The following ABCC5 variants were observed in gnomAD, a reference collection of about 807,000 sequenced individuals.
ABCC5 encodes ATP-binding cassette sub-family C member 5.
A neutral mutation model predicts 160.9 loss-of-function variants in ABCC5; 61 were observed. The ratio of observed to expected loss-of-function variants is 0.38; its 90% CI spans 0.31 to 0.47. ABCC5 has a LOEUF of 0.47. ABCC5 is among the 20% of genes least tolerant of loss of function. The probability of loss-of-function intolerance (pLI) is 0.99; values close to 1 mark genes in which losing one functional copy is unlikely to be tolerated. For missense variants in ABCC5, 1,308 were observed against 1,813.3 expected (o/e 0.72, Z 5.06); for synonymous variants, 666 against 700.6 (o/e 0.95, Z 0.78).
intron 26 of ABCC5, among the ~76,000 whole-genome samples, chr3:183,936,073 T>C (rs753096357): frequency 7.2e-5 from 11 of 152,048 alleles, no homozygotes; most frequent in African/African-American, 1.4e-4. Context: ...GGTGGGGCTG[T>C]AAGGAGGAGA....
intron 20 of ABCC5, among the ~76,000 whole-genome samples, chr3:183,950,994 T>C (rs1426667936): frequency 6.6e-6 from 1 of 152,212 alleles, no homozygotes; most frequent in Non-Finnish European, 1.5e-5. Context: ...CTGACAGGCC[T>C]GCTGCGGGGA....
intron 8 of ABCC5, 89 bp downstream of exon 8, chr3:183,981,638 T>C (rs1718751266): frequency 1.1e-5 from 16 of 1,407,536 alleles, no homozygotes; most frequent in East Asian, 2.3e-5. Context: ...TAGTACGTAA[T>C]GTGCTCAGAA....
intron 16 of ABCC5, among the ~76,000 whole-genome samples, chr3:183,961,215 T>C (rs1047372968): frequency 6.6e-6 from 1 of 152,236 alleles, no homozygotes; most frequent in Admixed American, 6.5e-5. Flanking sequence ...AAGCTGTGAA[T>C]GAACAGCAGC....
chr3:183,972,480 ACT>A (rs1717845603), intron 10 of ABCC5, among the ~76,000 whole-genome samples: 1 of 152,034 alleles, frequency 6.6e-6, no homozygotes, highest in South Asian at 2.1e-4. Flanking sequence ...TTGCCAAGAA[ACT>A]CTCATGTCTT....
At chr3:183,925,823 AT>A (rs1402179998) in intron 28 of ABCC5, 104 bp from the exon 29 acceptor site, 6 of 1,040,148 alleles carry the variant, frequency 5.8e-6, no homozygotes, top group South Asian at 1.8e-5. Flanking sequence ...TACACTATCT[AT>A]TGTTTTCTTT....
At chr3:183,970,350 T>C (rs1717622470) in intron 11 of ABCC5, among the ~76,000 whole-genome samples, 1 of 152,092 alleles carries the variant, frequency 6.6e-6, no homozygotes, top group South Asian at 2.1e-4. Flanking sequence ...GCCCAAATAC[T>C]ACTTTTTAAA....
At chr3:183,935,028 A>ATT (rs774978089) in intron 26 of ABCC5, among the ~76,000 whole-genome samples, 3 of 149,900 alleles carry the variant, frequency 2.0e-5, no homozygotes, top group African/African-American at 7.3e-5. Flanking sequence ...TGTAAGGCCA[A>ATT]TTTTTTTTTT....
intron 26 of ABCC5, among the ~76,000 whole-genome samples, chr3:183,934,619 G>A (rs1297779950): frequency 3.3e-5 from 5 of 152,134 alleles, no homozygotes; most frequent in South Asian, 2.1e-4. Flanking sequence ...AGCTACAGGC[G>A]CACGATGTTC....
At chr3:183,969,281 A>T (rs906895957) in intron 11 of ABCC5, among the ~76,000 whole-genome samples, 1 of 152,222 alleles carries the variant, frequency 6.6e-6, no homozygotes. Context: ...CATACAAAGC[A>T]AAAGAATACA....
intron 1 of ABCC5, 78 bp from the exon 2 acceptor site, chr3:184,014,525 G>GCA: frequency 6.0e-6 from 4 of 665,454 alleles, no homozygotes; most frequent in Non-Finnish European, 6.0e-6. Context: ...CTTAAAAATA[G>GCA]GAAAAAAAAA....
chr3:184,010,003 T>G (rs1721573942), intron 2 of ABCC5: 1 of 433,980 alleles, frequency 2.3e-6, no homozygotes, highest in South Asian at 1.6e-5. Context: ...CAAAAAAAAT[T>G]TAATAAAAAA....
rs1318214523 is a variant in ABCC5 at position 183,950,317 on chromosome 3, T to C, written c.2945-192A>G. On this transcript the variant is annotated intron_variant, in intron 20 of 29. Coordinates refer to ENST00000334444, the MANE Select transcript of ABCC5 (RefSeq NM_005688.4). ...TTTTTTCGTCTCAAGAAAATCCTCTTACTCCACTCCCTTTTCTTGGTTCCC... is the reference window on the plus strand; with the variant it reads ...TTTTTTCGTCTCAAGAAAATCCTCTCACTCCACTCCCTTTTCTTGGTTCCC... 2.6e-5 allele frequency among the ~76,000 whole-genome samples: 4 copies of C among 152,142 alleles called. No homozygotes were observed. The East Asian group carries it at 7.7e-4, about 29-fold the overall frequency.
intron 26 of ABCC5, among the ~76,000 whole-genome samples, chr3:183,936,000 C>T (rs1713676008): frequency 1.3e-5 from 2 of 152,182 alleles, no homozygotes; most frequent in African/African-American, 4.8e-5. Flanking sequence ...CTATGGACTA[C>T]AGGTTTGTGT....
intron 10 of ABCC5, among the ~76,000 whole-genome samples, chr3:183,973,774 G>A (rs1370274314): frequency 2.0e-5 from 3 of 152,198 alleles, no homozygotes; most frequent in Non-Finnish European, 4.4e-5. Flanking sequence ...CTTCCTGAGA[G>A]ATTGAACTAA....
chr3:183,963,608 T>C lies in ABCC5; in HGVS notation c.2032-20A>G, dbSNP rs1353309878. On this transcript the variant is annotated intron_variant, in intron 14 of 29. Coordinates refer to ENST00000334444, the MANE Select transcript of ABCC5 (RefSeq NM_005688.4). This position sits in a 1 kb window ranked among gnomAD's most constrained non-coding sequence, Gnocchi z 4.6. ...TCCAATCTACAAGAGCCCAGAAGTGTGGTGAAGCCTCCAGCGCAAGTCCAG... is the reference window on the plus strand; with the variant it reads ...TCCAATCTACAAGAGCCCAGAAGTGCGGTGAAGCCTCCAGCGCAAGTCCAG... The C allele has an allele frequency of 6.2e-7, 1 of 1,612,386 alleles. No individual in the cohort carries two copies. Among genetic ancestry groups the C allele is most frequent in the Non-Finnish European group, 8.5e-7 (1 of 1,179,760 alleles).
chr3:183,922,193 G>A (rs1712063007), intron 29 of ABCC5, among the ~76,000 whole-genome samples: 2 of 152,040 alleles, frequency 1.3e-5, no homozygotes, highest in African/African-American at 2.4e-5. Context: ...CCAACATGGT[G>A]AAACCCTGTC....
At chr3:183,986,268 C>T (rs1719210505) in intron 5 of ABCC5, 1 of 152,182 alleles carries the variant, frequency 6.6e-6, no homozygotes, top group Non-Finnish European at 1.5e-5. Context: ...CCATTACTTT[C>T]TCAGCTCTAG....
chr3:183,943,366 T>C (rs1395181134), intron 24 of ABCC5, among the ~76,000 whole-genome samples: 3 of 152,254 alleles, frequency 2.0e-5, no homozygotes, highest in Non-Finnish European at 4.4e-5. Flanking sequence ...GATTGGATCC[T>C]GGCATTCTGG....
intron 2 of ABCC5, among the ~76,000 whole-genome samples, chr3:184,005,890 A>G (rs1721154154): frequency 6.9e-6 from 1 of 145,014 alleles, no homozygotes; most frequent in Non-Finnish European, 1.5e-5. Context: ...ATCTTAACCA[A>G]ATAAAGATTT....
Sources: allele counts gnomAD v4.1 joint callset (sites outside exome capture counted in the v4.1 genomes callset), GRCh38; gene constraint gnomAD v4.1.1; non-coding constraint Gnocchi (gnomAD v3.1); transcripts MANE v1.5; gene names NCBI Gene and HGNC (gene_info 2026-07-23, HGNC 2026-07-21).